Variants in CLIP1 observed in about 807,000 individuals in gnomAD.
CLIP1 encodes CAP-Gly domain-containing linker protein 1.
A neutral mutation model predicts 161.6 loss-of-function variants in CLIP1; 66 were observed. The observed-to-expected ratio is 0.41, with a 90% CI of 0.33 to 0.50. The LOEUF is 0.50. CLIP1 is among the 20% of genes least tolerant of loss of function. The pLI is 0.27. For synonymous variants in CLIP1, 598 were observed against 626.2 expected (o/e 0.96, Z 0.67); for missense variants, 1,376 against 1,702.0 (o/e 0.81, Z 3.37).
intron 20 of CLIP1, among the ~76,000 whole-genome samples, chr12:122,298,490 GCTA>G (rs1809562709): frequency 6.6e-6 from 1 of 151,494 alleles, no homozygotes; most frequent in Non-Finnish European, 1.5e-5. Context: ...TGTAGTCCCA[GCTA>G]CTAGGGAGGC....
chr12:122,300,912 T>C (rs567110651), intron 20 of CLIP1, among the ~76,000 whole-genome samples: 9 of 152,376 alleles, frequency 5.9e-5, no homozygotes, highest in African/African-American at 2.2e-4. Flanking sequence ...GAACATCACA[T>C]GCCTCCTGGC....
At position 122,378,059 on chromosome 12, in the gene CLIP1, C is replaced by G. The variant is rs1593199646; in HGVS notation, c.86-99G>C. On this transcript the variant is annotated intron_variant, in intron 2 of 25. Transcript: ENST00000620786. ...GAAAGCCAACAGCCCACAGGAGTAG[C>G]CCAGAACTCTTAGAAAGGTGTTTTA... is the stretch of plus-strand genomic sequence containing the variant. The G allele has an allele frequency of 4.9e-6, 5 of 1,023,034 alleles. No individual in the cohort carries two copies. The South Asian group carries it at 7.9e-5, about 16-fold the overall frequency. The allele number at this position is 1,023,034 out of a possible 1,614,324, so 63.4% of individuals were successfully genotyped here. A position where few individuals can be genotyped will look rare whatever the true frequency, so the allele number is the denominator to read the frequency against.
At chr12:122,420,237 C>T (rs1346248172) in intron 1 of CLIP1, among the ~76,000 whole-genome samples, 2 of 151,258 alleles carry the variant, frequency 1.3e-5, no homozygotes, top group Admixed American at 6.6e-5. Flanking sequence ...CCCAGCTACT[C>T]GGGAAGCTGA....
chr12:122,407,748 C>A (rs1262817197), intron 1 of CLIP1, among the ~76,000 whole-genome samples: 110 of 38,342 alleles, frequency 2.9e-3, no homozygotes, highest in East Asian at 5.8e-3. Flanking sequence ...GACCCTGTCT[C>A]AAAAAAAAAA....
chr12:122,363,893 T>C, intron 4 of CLIP1, 90 bp downstream of exon 4: 1 of 1,564,794 alleles, frequency 6.4e-7, no homozygotes, highest in Non-Finnish European at 8.8e-7. Context: ...CAAACACAAC[T>C]TTCCATGTTA....
At chr12:122,310,390 T>C (rs1024785592) in intron 19 of CLIP1, among the ~76,000 whole-genome samples, 18 of 152,218 alleles carry the variant, frequency 1.2e-4, no homozygotes, top group Non-Finnish European at 1.2e-4. Flanking sequence ...CTGATGTAAA[T>C]CTGAGTATAT....
chr12:122,390,247 T>C (rs1955565363), intron 1 of CLIP1, among the ~76,000 whole-genome samples: 2 of 104,738 alleles, frequency 1.9e-5, no homozygotes, highest in Admixed American at 1.2e-4. Flanking sequence ...CACACATATA[T>C]ATACACATAT....
At chr12:122,407,799 A>T (rs150931618) in intron 1 of CLIP1, among the ~76,000 whole-genome samples, 1 of 142,874 alleles carries the variant, frequency 7.0e-6, no homozygotes, top group Non-Finnish European at 1.5e-5. Context: ...TCCATTCTTC[A>T]CAAAGGAAAA....
rs540205568 is a variant in CLIP1 at position 122,330,676 on chromosome 12, G to A, written c.2868-2250C>T. Among the ~76,000 whole-genome samples the A allele has an allele frequency of 2.5e-4, 34 of 137,662 alleles. 1 individual carries two copies. In the South Asian group the frequency reaches 4.7e-3, roughly 19 times the overall value. The allele number at this position is 137,662 out of a possible 152,430, so 90.3% of individuals were successfully genotyped here. On this transcript the variant is annotated intron_variant, in intron 15 of 25. Transcript: ENST00000620786. ...GTGCAATGGTGCGATCTGAGCTCAC[G>A]GCACCCTCTGCCTCCCAGGTTCAAA... is the stretch of plus-strand genomic sequence containing the variant.
At chr12:122,357,157 G>A (rs1277597954) in intron 5 of CLIP1, among the ~76,000 whole-genome samples, 3 of 151,074 alleles carry the variant, frequency 2.0e-5, no homozygotes, top group Non-Finnish European at 4.4e-5. Flanking sequence ...AGTGAGGAGC[G>A]CCTCTTCCCG....
At position 122,359,484 on chromosome 12, in the gene CLIP1, G is replaced by A. The variant is rs187748194; in HGVS notation, c.1005+1475C>T. On this transcript the variant is annotated intron_variant, in intron 5 of 25. Coordinates refer to ENST00000620786, the MANE Select transcript of CLIP1 (RefSeq NM_001247997.2). ...GTTCCTAGAACAGCAAAGGAGGCAA[G>A]CTGTCCCTATCAGAGTTTCTGACCC... Among the ~76,000 whole-genome samples, 111 of 152,314 alleles carry A rather than the reference G, an allele frequency of 7.3e-4. 3 individuals carry two copies. The East Asian group carries it at 0.02, about 28-fold the overall frequency.
intron 1 of CLIP1, among the ~76,000 whole-genome samples, chr12:122,401,637 C>A (rs2137084294): frequency 6.6e-6 from 1 of 151,884 alleles, no homozygotes; most frequent in African/African-American, 2.4e-5. Context: ...CATTGTACTC[C>A]AAGAAAGTAG....
At chr12:122,394,216 G>A (rs937594942) in intron 1 of CLIP1, among the ~76,000 whole-genome samples, 2 of 152,112 alleles carry the variant, frequency 1.3e-5, no homozygotes, top group Non-Finnish European at 2.9e-5. Flanking sequence ...GGGGCCGGGC[G>A]TGGTGGCTCA....
Position 122,420,701 on chromosome 12 carries a change from C to CA in CLIP1, c.-107+1819dup, listed in dbSNP as rs1167017328. Among the ~76,000 whole-genome samples, 13 of 152,056 alleles carry CA rather than the reference C, an allele frequency of 8.5e-5. 1 individual carries two copies. The highest frequency in any genetic ancestry group is 3.1e-4 in the African/African-American group (13 of 41,420). On this transcript the variant is annotated intron_variant, in intron 1 of 25. Transcript: ENST00000620786. Reference sequence around the variant, plus strand: ...CTGTAATCCCAGCACTTTGGGAGCCCAAAGCAGGTGGATGACTTGAGCCCA... The same window carrying CA: ...CTGTAATCCCAGCACTTTGGGAGCCCAAAAGCAGGTGGATGACTTGAGCCCA...
chr12:122,372,393 C>A (rs1954495371), intron 3 of CLIP1, among the ~76,000 whole-genome samples: 1 of 149,424 alleles, frequency 6.7e-6, no homozygotes, highest in African/African-American at 2.5e-5. Flanking sequence ...CCAGCCTGGG[C>A]GACAAGAGTG....
In CLIP1 at chr12:122,321,018, T is replaced by TTAAATAAATAAA. The variant is rs56780235; in HGVS notation, c.3250-1682_3250-1671dup. 3.1e-3 allele frequency among the ~76,000 whole-genome samples: 445 copies of TTAAATAAATAAA among 145,086 alleles called. 2 individuals are homozygous for TTAAATAAATAAA. The highest frequency in any genetic ancestry group is 8.5e-3 in the African/African-American group (331 of 38,886). ...CCACCGCACCCGGTGAGACTCTGTC[T>TTAAATAAATAAA]TAAATAAATAAATAAATAAATAAAT... On this transcript the variant is annotated intron_variant, in intron 17 of 25. Coordinates refer to ENST00000620786, the MANE Select transcript of CLIP1 (RefSeq NM_001247997.2).
intron 20 of CLIP1, among the ~76,000 whole-genome samples, chr12:122,290,864 T>G (rs1045194875): frequency 6.6e-6 from 1 of 150,898 alleles, no homozygotes; most frequent in Non-Finnish European, 1.5e-5. Context: ...TTTTCTTTTT[T>G]TTATTTTTTT....
At chr12:122,422,009 G>A (rs937431131) in intron 1 of CLIP1, among the ~76,000 whole-genome samples, 3 of 152,200 alleles carry the variant, frequency 2.0e-5, no homozygotes, top group Admixed American at 6.5e-5. Flanking sequence ...GGGCAGCGGG[G>A]GAGGCCGGGC....
chr12:122,403,290 C>A (rs1216713657), intron 1 of CLIP1, among the ~76,000 whole-genome samples: 1 of 152,126 alleles, frequency 6.6e-6, no homozygotes, highest in Non-Finnish European at 1.5e-5. Context: ...TATAAGGAAG[C>A]TCTGCTGGCA....
Sources: allele counts gnomAD v4.1 joint callset (sites outside exome capture counted in the v4.1 genomes callset), GRCh38; gene constraint gnomAD v4.1.1; transcripts MANE v1.5; gene names NCBI Gene and HGNC (gene_info 2026-07-23, HGNC 2026-07-21).